The following CADPS2 variants were observed in gnomAD, a reference collection of about 807,000 sequenced individuals.
The protein encoded by CADPS2 is calcium dependent secretion activator 2.
A neutral mutation model predicts 172.5 loss-of-function variants in CADPS2; 93 were observed. That is an observed-to-expected ratio of 0.54 (90% CI 0.46 to 0.64). The LOEUF is 0.64. Ranked by LOEUF, CADPS2 falls within the 30% of genes least tolerant of loss-of-function variation. The probability of loss-of-function intolerance (pLI) is 0.00; values close to 1 mark genes in which losing one functional copy is unlikely to be tolerated. For synonymous variants in CADPS2, 546 were observed against 555.2 expected, an observed-to-expected ratio of 0.98 and a Z score of 0.23; for missense variants, 1,420 against 1,565.9, an observed-to-expected ratio of 0.91 and a Z score of 1.57.
intron 2 of CADPS2, among the ~76,000 whole-genome samples, chr7:122,731,145 A>C (rs949364589): frequency 6.6e-6 from 1 of 151,538 alleles, no homozygotes; most frequent in African/African-American, 2.4e-5. Context: ...CCTCTCTCTC[A>C]TTTATTCTTT....
intron 2 of CADPS2, among the ~76,000 whole-genome samples, chr7:122,683,550 T>C (rs1695534185): frequency 6.6e-6 from 1 of 152,184 alleles, no homozygotes; most frequent in Non-Finnish European, 1.5e-5. Context: ...TGTTTTGATA[T>C]GTGCTTACAA....
Position 122,592,702 on chromosome 7 carries a change from G to C in CADPS2, c.1224-11412C>G, listed in dbSNP as rs2071049333. On this transcript the variant is annotated intron_variant, in intron 6 of 29. Coordinates refer to ENST00000449022, the MANE Select transcript of CADPS2 (RefSeq NM_017954.11). ...GTCCTTTATGGGGACATGGATGAAGGTGGAAACCATCATTCTGAGCAAACT... is the reference window on the plus strand; with the variant it reads ...GTCCTTTATGGGGACATGGATGAAGCTGGAAACCATCATTCTGAGCAAACT... Among the ~76,000 whole-genome samples the C allele has an allele frequency of 2.6e-5, 4 of 151,930 alleles. No individual in the cohort carries two copies. The South Asian group carries it at 8.3e-4, about 32-fold the overall frequency.
In CADPS2 at chr7:122,832,890, G is replaced by C. The variant is rs922332267; in HGVS notation, c.339+53109C>G. Among the ~76,000 whole-genome samples, 3 of 152,074 alleles carry C rather than the reference G, an allele frequency of 2.0e-5. No individual in the cohort carries two copies. In the East Asian group the frequency reaches 5.8e-4, roughly 29 times the overall value. On this transcript the variant is annotated intron_variant, in intron 1 of 29. Transcript: ENST00000449022. ...AGACTGCTGGCTTTTTTTTAAAAAAGACAGCTTAATTATAATGAAATAGTG... is the reference window on the plus strand; with the variant it reads ...AGACTGCTGGCTTTTTTTTAAAAAACACAGCTTAATTATAATGAAATAGTG...
At chr7:122,763,092 T>C (rs973477790) in intron 1 of CADPS2, among the ~76,000 whole-genome samples, 6 of 152,136 alleles carry the variant, frequency 3.9e-5, no homozygotes, top group Non-Finnish European at 1.5e-5. Flanking sequence ...AACAGGCCTT[T>C]GGATGATATG....
chr7:122,512,070 T>G (rs1275087156), intron 9 of CADPS2, among the ~76,000 whole-genome samples: 2 of 152,124 alleles, frequency 1.3e-5, no homozygotes, highest in Non-Finnish European at 1.5e-5. Context: ...TCTAATCATG[T>G]AAGAAGAGGT....
At chr7:122,645,031 G>C (rs1201810009) in intron 3 of CADPS2, among the ~76,000 whole-genome samples, 2 of 151,834 alleles carry the variant, frequency 1.3e-5, no homozygotes, top group East Asian at 1.9e-4. Flanking sequence ...AGATGAATGA[G>C]TTAATTAGAT....
At chr7:122,644,884 G>A (rs77246901) in intron 3 of CADPS2, among the ~76,000 whole-genome samples, 30,949 of 151,946 alleles carry the variant, frequency 0.2, 3,931 homozygotes, top group Middle Eastern at 0.3. Context: ...CTCTCTTATA[G>A]CTACCTTCTA....
At chr7:122,414,837 A>G (rs939290219) in intron 18 of CADPS2, among the ~76,000 whole-genome samples, 10 of 152,202 alleles carry the variant, frequency 6.6e-5, no homozygotes, top group African/African-American at 1.9e-4. Flanking sequence ...TTTTAGAACT[A>G]GGCTTCATTA....
intron 1 of CADPS2, among the ~76,000 whole-genome samples, chr7:122,769,632 T>C (rs1407125419): frequency 6.6e-6 from 1 of 152,186 alleles, no homozygotes; most frequent in Non-Finnish European, 1.5e-5. Context: ...CTCAAGTCTC[T>C]TAGATAAAAT....
chr7:122,398,255 C>T (rs1468987732), intron 20 of CADPS2, among the ~76,000 whole-genome samples: 2 of 152,154 alleles, frequency 1.3e-5, no homozygotes, highest in Non-Finnish European at 2.9e-5. Context: ...ATAACAATTA[C>T]TGAGACAATA....
intron 25 of CADPS2, among the ~76,000 whole-genome samples, chr7:122,365,600 T>C (rs1387886742): frequency 6.6e-6 from 1 of 152,196 alleles, no homozygotes; most frequent in Non-Finnish European, 1.5e-5. Context: ...AGGGAGTATA[T>C]AAACACTTAT....
intron 8 of CADPS2, among the ~76,000 whole-genome samples, chr7:122,541,641 A>G (rs1174762080): frequency 2.8e-5 from 4 of 144,822 alleles, no homozygotes; most frequent in Non-Finnish European, 3.0e-5. Context: ...TCATATATTC[A>G]TATATATTCA....
At chr7:122,330,272 T>C (rs1159696553) in intron 28 of CADPS2, among the ~76,000 whole-genome samples, 2 of 152,206 alleles carry the variant, frequency 1.3e-5, no homozygotes, top group Non-Finnish European at 2.9e-5. Context: ...AAACAATATT[T>C]GTTAAATGAG....
At chr7:122,548,915 A>G (rs1353906015) in intron 8 of CADPS2, among the ~76,000 whole-genome samples, 1 of 152,208 alleles carries the variant, frequency 6.6e-6, no homozygotes, top group Non-Finnish European at 1.5e-5. Context: ...ACGAACTACC[A>G]TATCTACATC....
intron 1 of CADPS2, among the ~76,000 whole-genome samples, chr7:122,789,736 C>T (rs1249759360): frequency 6.6e-6 from 1 of 152,130 alleles, no homozygotes; most frequent in Non-Finnish European, 1.5e-5. Flanking sequence ...AATTTGACTA[C>T]ATAAAACTTT....
At chr7:122,520,638 A>C (rs1230249675) in intron 8 of CADPS2, among the ~76,000 whole-genome samples, 3 of 152,122 alleles carry the variant, frequency 2.0e-5, no homozygotes, top group Non-Finnish European at 4.4e-5. Context: ...AAAGAGTAAA[A>C]TGAAATAAAG....
chr7:122,677,343 A>T (rs1231855251), intron 2 of CADPS2, among the ~76,000 whole-genome samples: 1 of 152,154 alleles, frequency 6.6e-6, no homozygotes, highest in Non-Finnish European at 1.5e-5. Context: ...GGGCCAGGAG[A>T]CAGTGGGTAG....
chr7:122,636,076 T>A (rs1159144707), intron 3 of CADPS2, among the ~76,000 whole-genome samples: 1 of 152,148 alleles, frequency 6.6e-6, no homozygotes, highest in East Asian at 1.9e-4. Context: ...GCCATTTAAG[T>A]GGGGTTTTGA....
intron 2 of CADPS2, among the ~76,000 whole-genome samples, chr7:122,726,497 G>T (rs1470394628): frequency 6.6e-6 from 1 of 151,892 alleles, no homozygotes; most frequent in African/African-American, 2.4e-5. Flanking sequence ...ACAGGTACAC[G>T]TGTTTTCTCT....
Sources: allele counts gnomAD v4.1 joint callset (sites outside exome capture counted in the v4.1 genomes callset), GRCh38; gene constraint gnomAD v4.1.1; transcripts MANE v1.5; gene names NCBI Gene and HGNC (gene_info 2026-07-23, HGNC 2026-07-21).